The following CLSTN2 variants were observed in gnomAD, a reference collection of about 807,000 sequenced individuals.
The protein encoded by CLSTN2 is calsyntenin 2.
A neutral mutation model predicts 101.2 loss-of-function variants in CLSTN2; 48 were observed. The observed-to-expected ratio is 0.47, with a 90% CI of 0.38 to 0.60. The LOEUF is 0.60. Ranked by LOEUF, CLSTN2 falls within the 20% of genes least tolerant of loss-of-function variation. The pLI, the probability that CLSTN2 is intolerant of heterozygous loss-of-function variation, is 0.00. For synonymous variants in CLSTN2, 481 were observed against 463.6 expected, an observed-to-expected ratio of 1.04 and a Z score of -0.48; for missense variants, 1,160 against 1,238.2, an observed-to-expected ratio of 0.94 and a Z score of 0.95.
At chr3:140,171,776 T>TA (rs1272279971) in intron 1 of CLSTN2, among the ~76,000 whole-genome samples, 24 of 83,100 alleles carry the variant, frequency 2.9e-4, no homozygotes, top group African/African-American at 1.4e-3. Flanking sequence ...ATATAATATG[T>TA]ATTATATAAT....
At chr3:140,135,392 A>G (rs1457198956) in intron 1 of CLSTN2, among the ~76,000 whole-genome samples, 1 of 151,846 alleles carries the variant, frequency 6.6e-6, no homozygotes, top group Non-Finnish European at 1.5e-5. Context: ...TCTCAGTGTA[A>G]TCCTTGTGAT....
chr3:140,176,052 G>C lies in CLSTN2; in HGVS notation c.211G>C (p.Asp71His). The C allele has an allele frequency of 6.2e-7, 1 of 1,613,830 alleles. No homozygotes were observed. The highest frequency in any genetic ancestry group is 8.5e-7 in the Non-Finnish European group (1 of 1,179,854). Residue 71 changes from aspartate (D) to histidine (H), a missense_variant, in exon 2 of 17, where the codon GAT becomes CAT. Transcript: ENST00000458420. ...LDPPLVALDK[D>H]APVPFAGEIC... ...CCCACCACTGGTAGCCCTGGATAAA[G>C]ATGCACCGGTTCCTTTTGCAGGTGA... is the stretch of plus-strand genomic sequence containing the variant.
intron 2 of CLSTN2, among the ~76,000 whole-genome samples, chr3:140,322,632 G>T (rs2087294871): frequency 6.6e-6 from 1 of 152,176 alleles, no homozygotes; most frequent in African/African-American, 2.4e-5. Flanking sequence ...TTAACAGAAA[G>T]ATTTCCTCTA....
intron 2 of CLSTN2, among the ~76,000 whole-genome samples, chr3:140,207,194 G>A (rs868360153): frequency 5.3e-5 from 8 of 152,314 alleles, no homozygotes; most frequent in South Asian, 4.2e-4. Flanking sequence ...ACAACAAAGA[G>A]AAGTGCTTTG....
intron 8 of CLSTN2, among the ~76,000 whole-genome samples, chr3:140,531,694 A>G (rs1362186547): frequency 2.0e-5 from 3 of 152,112 alleles, no homozygotes; most frequent in Non-Finnish European, 4.4e-5. Context: ...CCTTTCCAAG[A>G]CATGCCCATC....
intron 1 of CLSTN2, among the ~76,000 whole-genome samples, chr3:139,944,993 C>T (rs937890194): frequency 1.3e-5 from 2 of 152,304 alleles, no homozygotes; most frequent in East Asian, 1.9e-4. Context: ...TTTCTCATTG[C>T]TTCTGAGAAT....
intron 4 of CLSTN2, among the ~76,000 whole-genome samples, chr3:140,411,504 G>C (rs532538876): frequency 2.4e-4 from 37 of 152,346 alleles, no homozygotes; most frequent in Middle Eastern, 3.4e-3. Context: ...ACAATGGATA[G>C]AGTATCAAGA....
At chr3:139,966,516 C>T (rs1560056470) in intron 1 of CLSTN2, among the ~76,000 whole-genome samples, 1 of 152,138 alleles carries the variant, frequency 6.6e-6, no homozygotes, top group African/African-American at 2.4e-5. Flanking sequence ...AATTTGCCTG[C>T]CAATCCTTAT....
intron 1 of CLSTN2, among the ~76,000 whole-genome samples, chr3:140,097,278 G>C (rs1298781692): frequency 6.6e-6 from 1 of 152,152 alleles, no homozygotes; most frequent in Admixed American, 6.5e-5. Flanking sequence ...ACTGGGACTA[G>C]GGACTGCCTG....
At chr3:140,504,189 C>T (rs1272911290) in intron 8 of CLSTN2, among the ~76,000 whole-genome samples, 1 of 152,138 alleles carries the variant, frequency 6.6e-6, no homozygotes, top group Admixed American at 6.5e-5. Context: ...ACATGGCAGG[C>T]TCCATGCATA....
At chr3:140,330,243 C>T (rs375093013) in intron 2 of CLSTN2, among the ~76,000 whole-genome samples, 18 of 152,284 alleles carry the variant, frequency 1.2e-4, no homozygotes, top group East Asian at 5.8e-4. Flanking sequence ...CTCTTCAACC[C>T]GCCTGATTTC....
chr3:140,200,248 A>G (rs904405213), intron 2 of CLSTN2, among the ~76,000 whole-genome samples: 2 of 152,338 alleles, frequency 1.3e-5, no homozygotes, highest in African/African-American at 4.8e-5. Flanking sequence ...TGGTTTGTAC[A>G]TATTTTAAGA....
intron 2 of CLSTN2, among the ~76,000 whole-genome samples, chr3:140,195,559 T>TA (rs772663165): frequency 1.4e-4 from 22 of 152,156 alleles, no homozygotes; most frequent in Non-Finnish European, 2.8e-4. Context: ...AAAATAGTTT[T>TA]TAAAAAAAAA....
intron 2 of CLSTN2, among the ~76,000 whole-genome samples, chr3:140,212,535 G>C (rs1195076116): frequency 6.6e-6 from 1 of 152,154 alleles, no homozygotes; most frequent in African/African-American, 2.4e-5. Flanking sequence ...CCTTTAGCTA[G>C]CCTGAGATTG....
intron 1 of CLSTN2, among the ~76,000 whole-genome samples, chr3:140,113,826 CAATG>C (rs559251143): frequency 5.8e-4 from 89 of 152,202 alleles, no homozygotes; most frequent in African/African-American, 2.1e-3. Flanking sequence ...CCATTTTAAA[CAATG>C]AAGTGAATGG....
intron 2 of CLSTN2, among the ~76,000 whole-genome samples, chr3:140,251,640 C>CCTTTCCTTTCCTTTCCTTTCCTT (rs2086565142): frequency 5.8e-5 from 1 of 17,250 alleles, no homozygotes; most frequent in Non-Finnish European, 1.3e-4. Flanking sequence ...TTCCTTTCCT[C>CCTTTCCTTTCCTTTCCTTTCCTT]TTTTTGCTTC....
At chr3:140,119,953 ACT>A (rs973040335) in intron 1 of CLSTN2, among the ~76,000 whole-genome samples, 13 of 151,618 alleles carry the variant, frequency 8.6e-5, no homozygotes, top group African/African-American at 3.2e-4. Context: ...TATAGGAAAA[ACT>A]CTCTCCAGCC....
chr3:140,302,629 G>A (rs1260295621), intron 2 of CLSTN2, among the ~76,000 whole-genome samples: 1 of 152,194 alleles, frequency 6.6e-6, no homozygotes, highest in Admixed American at 6.5e-5. Flanking sequence ...TGTTTTCTGT[G>A]TTTAACACAA....
intron 2 of CLSTN2, among the ~76,000 whole-genome samples, chr3:140,291,624 G>A (rs1249878935): frequency 6.6e-6 from 1 of 151,478 alleles, no homozygotes; most frequent in Non-Finnish European, 1.5e-5. Context: ...TCCATATGCT[G>A]GCAACTTCCC....
Sources: gnomAD v4.1 joint callset for allele counts (sites outside exome capture counted in the v4.1 genomes callset) on GRCh38, gnomAD v4.1.1 for gene constraint, MANE v1.5 for transcripts, NCBI Gene and HGNC (gene_info 2026-07-23, HGNC 2026-07-21) for gene names.